ASPM: variants seen among roughly 807,000 people sequenced by gnomAD.
The protein encoded by ASPM is abnormal spindle-like microcephaly-associated protein.
In ASPM, 256 loss-of-function variants were observed where a neutral mutation model predicts 366.4. The observed-to-expected ratio is 0.70, with a 90% CI of 0.63 to 0.77. ASPM has a LOEUF of 0.77. Ranked by LOEUF, ASPM falls within the 30% of genes least tolerant of loss-of-function variation. The probability of loss-of-function intolerance (pLI) is 0.00; values close to 1 mark genes in which losing one functional copy is unlikely to be tolerated. For synonymous variants in ASPM, 1,414 were observed against 1,342.9 expected (o/e 1.05, Z -1.16); for missense variants, 4,146 against 4,090.4 (o/e 1.01, Z -0.37).
At position 197,138,562 on chromosome 1, in the gene ASPM, T is replaced by A. The variant is rs751697901; in HGVS notation, c.2026+1205A>T. 8.5e-4 allele frequency among the ~76,000 whole-genome samples: 129 copies of A among 152,286 alleles called. 1 individual carries two copies. Among genetic ancestry groups the A allele is most frequent in the Non-Finnish European group, 1.9e-4 (13 of 68,030 alleles). ...GTCCACCTGCCTCAGCCTCCCAAAG[T>A]GCTGGGATCACAGGCATGAGCCACC... On this transcript the variant is annotated intron_variant, in intron 4 of 27. Transcript: ENST00000367409.
intron 6 of ASPM, 142 bp downstream of exon 6, chr1:197,133,208 A>G (rs1241525316): frequency 1.3e-6 from 1 of 780,100 alleles, no homozygotes; most frequent in South Asian, 2.0e-5. Flanking sequence ...TAATATATAC[A>G]TATATCAACA....
chr1:197,142,620 A>G lies in ASPM; in HGVS notation c.1632T>C (p.Tyr544=). The part of the protein sequence containing the change: ...NQKEKEDFHS[Y]LPIIDPILSK... ...TTAATATTGGATCTATAATTGGAAG[A>G]TAAGAATGAAAATCTTCTTTTTCCT... The change falls in exon 3 of 28, where the codon TAT becomes TAC. Residue 544 remains tyrosine (Y), a synonymous_variant. Coordinates refer to ENST00000367409, the MANE Select transcript of ASPM (RefSeq NM_018136.5). 6.2e-7 allele frequency: 1 copy of G among 1,612,372 alleles called. No homozygotes were observed. The highest frequency in any genetic ancestry group is 1.7e-5 in the Admixed American group (1 of 59,964).
At chr1:197,090,153 TGTA>T in intron 24 of ASPM, 40 bp downstream of exon 24, 4 of 1,612,310 alleles carry the variant, frequency 2.5e-6, no homozygotes, top group Non-Finnish European at 3.4e-6. Flanking sequence ...TAGCTAATAA[TGTA>T]GTATTACATC....
intron 4 of ASPM, chr1:197,138,964 T>C: frequency 4.1e-6 from 3 of 732,726 alleles, no homozygotes; most frequent in Non-Finnish European, 7.5e-6. Context: ...ACTCGCTGCA[T>C]AAATCTGTTT....
At chr1:197,114,546 T>C (rs1657686374) in intron 17 of ASPM, among the ~76,000 whole-genome samples, 1 of 152,196 alleles carries the variant, frequency 6.6e-6, no homozygotes. Flanking sequence ...GTCAACTAAA[T>C]TTATATACTG....
chr1:197,142,875 T>G lies in ASPM; in HGVS notation c.1377A>C (p.Ser459=). The change falls in exon 3 of 28, where the codon TCA becomes TCC. Residue 459 remains serine, a synonymous_variant. Transcript: ENST00000367409. The part of the protein sequence containing the change: ...AIFEELVEMK[S]NYYSFIKQNN... ...TTTGTTTTATAAAACTGTAGTAATT[T>G]GACTTCATTTCTACTAGTTCTTCAA... The G allele has an allele frequency of 6.2e-7, 1 of 1,612,940 alleles. No individual in the cohort carries two copies. Among genetic ancestry groups the G allele is most frequent in the Non-Finnish European group, 8.5e-7 (1 of 1,178,982 alleles).
intron 23 of ASPM, 90 bp downstream of exon 23, chr1:197,090,760 A>G: frequency 8.0e-7 from 1 of 1,243,562 alleles, no homozygotes; most frequent in Non-Finnish European, 1.2e-6. Flanking sequence ...TAGCTTTTTA[A>G]AATGGTAACT....
chr1:197,107,165 C>A (rs1443839994), intron 17 of ASPM, among the ~76,000 whole-genome samples: 1 of 152,000 alleles, frequency 6.6e-6, no homozygotes, highest in Non-Finnish European at 1.5e-5. Context: ...GGGAAGCAAT[C>A]TGATAATGTT....
intron 17 of ASPM, among the ~76,000 whole-genome samples, chr1:197,117,194 C>T (rs1411590926): frequency 6.6e-6 from 1 of 151,888 alleles, no homozygotes; most frequent in African/African-American, 2.4e-5. Context: ...TGGGGTGAAG[C>T]TTCAATGGCA....
intron 19 of ASPM, among the ~76,000 whole-genome samples, chr1:197,094,712 C>T (rs1174765864): frequency 1.3e-5 from 2 of 151,576 alleles, no homozygotes; most frequent in Non-Finnish European, 3.0e-5. Flanking sequence ...AATCTGAGCA[C>T]TAGAGATTAA....
chr1:197,092,746 C>T (rs1052220735), intron 21 of ASPM, among the ~76,000 whole-genome samples: 6 of 151,872 alleles, frequency 4.0e-5, no homozygotes, highest in Admixed American at 2.0e-4. Context: ...TAACATTTAA[C>T]CTCTTTCACA....
chr1:197,093,814 T>G (rs887994179), intron 20 of ASPM, among the ~76,000 whole-genome samples: 3 of 151,780 alleles, frequency 2.0e-5, no homozygotes, highest in African/African-American at 2.4e-5. Context: ...AAATGCAATA[T>G]CTGCAAAGCA....
chr1:197,136,344 A>T lies in ASPM; in HGVS notation c.2027-1102T>A, dbSNP rs2125110945. 1.3e-5 allele frequency among the ~76,000 whole-genome samples: 2 copies of T among 152,358 alleles called. 1 individual carries two copies. Among genetic ancestry groups the T allele is most frequent in the South Asian group, 4.1e-4 (2 of 4,832 alleles). ...GCTCTCTGGTAAAGGTAAATATATA[A>T]ACAAGCATAAAAACAGTATTATTGT... On this transcript the variant is annotated intron_variant, in intron 4 of 27. Transcript: ENST00000367409.
At chr1:197,125,522 A>ATGTAG (rs1418090448) in intron 10 of ASPM, among the ~76,000 whole-genome samples, 3 of 152,104 alleles carry the variant, frequency 2.0e-5, no homozygotes, top group African/African-American at 7.2e-5. Context: ...AGCAGAGAGG[A>ATGTAG]AGCACATTTA....
At chr1:197,094,313 G>A in intron 19 of ASPM, 133 bp from the exon 20 acceptor site, 1 of 624,152 alleles carries the variant, frequency 1.6e-6, no homozygotes, top group Middle Eastern at 3.6e-4. Context: ...TTAAAAAGTG[G>A]GCAAGTATAA....
rs779589389 is a variant in ASPM, at chr1:197,143,292, A to C, written c.960T>G (p.Ser320=). ...QSQIHFLSPD[S]FVNNSHGANN... Reference sequence around the variant, plus strand: ...TAGCTCCATGACTATTATTTACAAAAGAATCTGGACTTAGAAAATGTATTT... The same window carrying C: ...TAGCTCCATGACTATTATTTACAAACGAATCTGGACTTAGAAAATGTATTT... The change falls in exon 3 of 28, where the codon TCT becomes TCG. Residue 320 remains serine (S), a synonymous_variant. Transcript: ENST00000367409. The C allele has an allele frequency of 6.2e-7, 1 of 1,613,772 alleles. No individual in the cohort carries two copies. Among genetic ancestry groups the C allele is most frequent in the Admixed American group, 1.7e-5 (1 of 60,016 alleles).
At chr1:197,129,701 G>C (rs7548750) in intron 8 of ASPM, among the ~76,000 whole-genome samples, 2 of 152,070 alleles carry the variant, frequency 1.3e-5, no homozygotes, top group Admixed American at 6.5e-5. Flanking sequence ...CAACCTACTG[G>C]GGGGAGAGGA....
intron 22 of ASPM, 53 bp from the exon 23 acceptor site, chr1:197,091,094 A>AAAATATAC (rs1656770928): frequency 3.7e-6 from 5 of 1,345,766 alleles, no homozygotes; most frequent in Non-Finnish European, 4.2e-6. Flanking sequence ...TTTTTTTAAA[A>AAAATATAC]AAATATACAA....
chr1:197,088,379 T>C lies in ASPM; in HGVS notation c.10038A>G (p.Leu3346=), dbSNP rs1163650507. ...VYDVENCIDI[L]LELLQIYREK... ...CTCGGTATATCTGCAAAAGCTCCAATAGTATATCTATACAATTTTCTACAT... is the reference window on the plus strand; with the variant it reads ...CTCGGTATATCTGCAAAAGCTCCAACAGTATATCTATACAATTTTCTACAT... Residue 3346 remains leucine (L), a synonymous_variant, in exon 26 of 28, where the codon CTA becomes CTG. Transcript: ENST00000367409. 6.2e-6 allele frequency: 10 copies of C among 1,611,030 alleles called. No homozygotes were observed. The highest frequency in any genetic ancestry group is 2.7e-5 in the African/African-American group (2 of 74,826).
Sources: allele counts gnomAD v4.1 joint callset (sites outside exome capture counted in the v4.1 genomes callset), GRCh38; gene constraint gnomAD v4.1.1; transcripts MANE v1.5; gene names NCBI Gene and HGNC (gene_info 2026-07-23, HGNC 2026-07-21).